PTPRS: variants seen among roughly 807,000 people sequenced by gnomAD.
The protein encoded by PTPRS is protein tyrosine phosphatase receptor type S, also known as receptor-type tyrosine-protein phosphatase S.
PTPRS carries 63 observed loss-of-function variants against 215.3 expected under a neutral mutation model. That is an observed-to-expected ratio of 0.29 (90% CI 0.24 to 0.36). The LOEUF is 0.36. Ranked by LOEUF, PTPRS falls within the 10% of genes least tolerant of loss-of-function variation. The pLI is 1.00. For synonymous variants in PTPRS, 1,404 were observed against 1,191.4 expected, an observed-to-expected ratio of 1.18 and a Z score of -3.68; for missense variants, 2,258 against 2,825.8, an observed-to-expected ratio of 0.80 and a Z score of 4.56.
chr19:5,312,277 G>T (rs2049731441), intron 1 of PTPRS, among the ~76,000 whole-genome samples: 1 of 152,180 alleles, frequency 6.6e-6, no homozygotes, highest in Admixed American at 6.6e-5. Context: ...TCCTGGTACT[G>T]TCAGTGAAAG....
chr19:5,288,146 G>T (rs1385057403), intron 1 of PTPRS, among the ~76,000 whole-genome samples: 1 of 152,060 alleles, frequency 6.6e-6, no homozygotes, highest in Non-Finnish European at 1.5e-5. Context: ...TACACAGTTG[G>T]GTTACAGGGA....
intron 1 of PTPRS, among the ~76,000 whole-genome samples, chr19:5,321,037 G>C (rs1453901053): frequency 1.3e-5 from 2 of 152,120 alleles, no homozygotes; most frequent in African/African-American, 4.8e-5. Flanking sequence ...TGAGGCAGGA[G>C]GACCACTTCA....
intron 1 of PTPRS, among the ~76,000 whole-genome samples, chr19:5,330,186 C>T (rs955864969): frequency 6.6e-6 from 1 of 152,128 alleles, no homozygotes; most frequent in African/African-American, 2.4e-5. Flanking sequence ...GCAGGGCCCC[C>T]GTGAAGCTGG....
intron 20 of PTPRS, 38 bp from the exon 21 acceptor site, chr19:5,220,391 TAGGGATGACCA>T: frequency 1.3e-6 from 2 of 1,545,052 alleles, no homozygotes; most frequent in Non-Finnish European, 1.8e-6. Flanking sequence ...GGGCTGTCGA[TAGGGATGACCA>T]AGGGATGCTT....
At chr19:5,260,869 TTG>T (rs1568502851) in intron 6 of PTPRS, 47 bp from the exon 7 acceptor site, 8 of 184,606 alleles carry the variant, frequency 4.3e-5, no homozygotes. Context: ...AAGGCGGTTG[TTG>T]GGGGGCCGGG....
chr19:5,241,694 A>G (rs1057030825), intron 11 of PTPRS, among the ~76,000 whole-genome samples: 1 of 151,846 alleles, frequency 6.6e-6, no homozygotes, highest in Non-Finnish European at 1.5e-5. Flanking sequence ...GTCTGCCCAG[A>G]CTTTAGGTTT....
At chr19:5,311,617 A>G (rs1483745060) in intron 1 of PTPRS, among the ~76,000 whole-genome samples, 2 of 152,112 alleles carry the variant, frequency 1.3e-5, no homozygotes, top group Non-Finnish European at 2.9e-5. Flanking sequence ...GCAGCCAAGG[A>G]AAGAAAAAGA....
chr19:5,300,619 A>G (rs982940625), intron 1 of PTPRS, among the ~76,000 whole-genome samples: 4 of 151,976 alleles, frequency 2.6e-5, no homozygotes, highest in Admixed American at 6.6e-5. Flanking sequence ...AAAAATACCA[A>G]AATTAGCCGG....
Position 5,210,327 on chromosome 19 carries a change from T to C in PTPRS, c.5487+142A>G. The C allele has an allele frequency of 8.2e-7, 1 of 1,226,370 alleles. No individual in the cohort carries two copies. The allele number at this position is 1,226,370 out of a possible 1,614,324, so 76.0% of individuals were successfully genotyped here. On this transcript the variant is annotated intron_variant, in intron 35 of 37. Coordinates refer to ENST00000262963, the MANE Select transcript of PTPRS (RefSeq NM_002850.4). This position sits in a 1 kb window ranked among gnomAD's most constrained non-coding sequence, Gnocchi z 4.5. ...CCACCTATGTGGCAGTAGAAGCAAGTGGCCAACTGGTCAGCTGACACTTCT... is the reference window on the plus strand; with the variant it reads ...CCACCTATGTGGCAGTAGAAGCAAGCGGCCAACTGGTCAGCTGACACTTCT...
chr19:5,232,677 C>CT (rs2043114885), intron 13 of PTPRS, among the ~76,000 whole-genome samples: 1 of 142,234 alleles, frequency 7.0e-6, no homozygotes, highest in East Asian at 2.3e-4. Flanking sequence ...GCAACAGAAG[C>CT]CCCATTAGGC....
In PTPRS at chr19:5,276,653, T is replaced by G. The variant is rs150260892; in HGVS notation, c.92-2309A>C. Among the ~76,000 whole-genome samples, 404 of 151,698 alleles carry G rather than the reference T, an allele frequency of 2.7e-3. 1 individual carries two copies. The highest frequency in any genetic ancestry group is 9.6e-3 in the African/African-American group (395 of 41,356). ...CCTCCCAGGTTCACACCATTCTCCT[T>G]CCTCAGCCTCCCAAGGAGCTGGGAC... On this transcript the variant is annotated intron_variant, in intron 2 of 37. Coordinates refer to ENST00000262963, the MANE Select transcript of PTPRS (RefSeq NM_002850.4).
intron 1 of PTPRS, among the ~76,000 whole-genome samples, chr19:5,298,502 A>G (rs1448087322): frequency 6.6e-6 from 1 of 152,222 alleles, no homozygotes; most frequent in Non-Finnish European, 1.5e-5. Context: ...GCCAGAGAGA[A>G]ACTGGTTGGG....
Position 5,219,560 on chromosome 19 carries a change from C to A in PTPRS, c.3766-93G>T. On this transcript the variant is annotated intron_variant, in intron 22 of 37. Transcript: ENST00000262963. ...CAAACATGAACCTACGTTTCTCCCC[C>A]GCTCTAGATCCTCCTATATTCCTAG... 4 of 1,405,152 alleles carry A rather than the reference C, an allele frequency of 2.8e-6. No individual in the cohort carries two copies. The South Asian group carries it at 4.3e-5, about 15-fold the overall frequency. 87.0% of individuals were successfully genotyped at this position (1,405,152 alleles called of 1,614,324 possible). A position where few individuals can be genotyped will look rare whatever the true frequency, so the allele number is the denominator to read the frequency against.
chr19:5,229,419 G>A, intron 15 of PTPRS, 72 bp downstream of exon 15: 2 of 1,356,312 alleles, frequency 1.5e-6, no homozygotes, highest in Non-Finnish European at 9.5e-7. Context: ...AAGAGAAGCA[G>A]AGGTGGGGGG....
intron 17 of PTPRS, among the ~76,000 whole-genome samples, chr19:5,223,758 C>T (rs923386516): frequency 7.3e-5 from 11 of 150,618 alleles, no homozygotes; most frequent in South Asian, 2.1e-4. Context: ...GATGGGGTTT[C>T]GCCATATTGG....
At chr19:5,315,539 A>AT (rs113686715) in intron 1 of PTPRS, among the ~76,000 whole-genome samples, 29,856 of 150,664 alleles carry the variant, frequency 0.2, 3,448 homozygotes, top group African/African-American at 0.32. Context: ...AATTTTTAAA[A>AT]TTTTTTTCAG....
chr19:5,268,887 C>T (rs760356258), intron 4 of PTPRS, among the ~76,000 whole-genome samples: 45 of 152,226 alleles, frequency 3.0e-4, no homozygotes, highest in Non-Finnish European at 6.0e-4. Context: ...CAGGTCTGAA[C>T]CCATCGGGGC....
intron 1 of PTPRS, among the ~76,000 whole-genome samples, chr19:5,313,868 A>C (rs2049787245): frequency 1.3e-5 from 2 of 152,214 alleles, no homozygotes; most frequent in South Asian, 4.2e-4. Context: ...AGCCTGAGGC[A>C]GGCGGACTGC....
chr19:5,223,229 G>T lies in PTPRS; in HGVS notation c.2563C>A (p.Pro855Thr). Residue 855 changes from proline to threonine, a missense_variant, in exon 18 of 38, where the codon CCG becomes ACG. Pro to Thr is a conservative substitution (Grantham distance 38). This residue lies in a region of PTPRS where 361 missense variants were observed against 332.6 expected (regional missense o/e 1.09). Coordinates refer to ENST00000262963, the MANE Select transcript of PTPRS (RefSeq NM_002850.4). ...EGSLLARWEP[P>T]AGTAEDQVLG... Reference sequence around the variant, plus strand: ...ACCTGGTCCTCCGCGGTGCCAGCCGGGGGCTCCCAGCGTGCCAGCAGGCTG... The same window carrying T: ...ACCTGGTCCTCCGCGGTGCCAGCCGTGGGCTCCCAGCGTGCCAGCAGGCTG... 1 of 1,493,768 alleles carries T rather than the reference G, an allele frequency of 6.7e-7. No homozygotes were observed. Among genetic ancestry groups the T allele is most frequent in the East Asian group, 2.5e-5 (1 of 40,340 alleles). 92.5% of individuals were successfully genotyped at this position (1,493,768 alleles called of 1,614,324 possible).
Sources: allele counts gnomAD v4.1 joint callset (sites outside exome capture counted in the v4.1 genomes callset), GRCh38; gene constraint gnomAD v4.1.1; regional missense constraint gnomAD v4.1.1; non-coding constraint Gnocchi (gnomAD v3.1); transcripts MANE v1.5; gene names NCBI Gene and HGNC (gene_info 2026-07-23, HGNC 2026-07-21).